CHORDC1: variants seen among roughly 807,000 people sequenced by gnomAD.
The protein encoded by CHORDC1 is cysteine and histidine rich domain containing 1.
Under a neutral mutation model 48.3 loss-of-function variants are expected in CHORDC1, and 25 were observed. The observed-to-expected ratio is 0.52, with a 90% CI of 0.38 to 0.72. The LOEUF is 0.72. Ranked by LOEUF, CHORDC1 falls within the 30% of genes least tolerant of loss-of-function variation. The probability of loss-of-function intolerance (pLI) is 0.00; values close to 1 mark genes in which losing one functional copy is unlikely to be tolerated. For missense variants in CHORDC1, 317 were observed against 388.7 expected (o/e 0.82, Z 1.55); for synonymous variants, 128 against 126.4 (o/e 1.01, Z -0.09).
At chr11:90,210,968 AAAT>A (rs1181454912) in intron 5 of CHORDC1, 2 of 309,258 alleles carry the variant, frequency 6.5e-6, no homozygotes, top group Admixed American at 4.8e-5. Flanking sequence ...ATTCTTAAAA[AAAT>A]AATGAACCAT....
chr11:90,207,519 A>G (rs1857728706), intron 6 of CHORDC1: 1 of 152,152 alleles, frequency 6.6e-6, no homozygotes, highest in Admixed American at 6.6e-5. Flanking sequence ...TAAAAAGTTT[A>G]TCAAAGTCGT....
At chr11:90,204,226 A>G (rs1804609303) in intron 8 of CHORDC1, among the ~76,000 whole-genome samples, 1 of 152,160 alleles carries the variant, frequency 6.6e-6, no homozygotes, top group Non-Finnish European at 1.5e-5. Context: ...AAACAAGAGA[A>G]ATTACATCAT....
At chr11:90,220,165 A>C (rs2135058647) in intron 1 of CHORDC1, among the ~76,000 whole-genome samples, 1 of 152,316 alleles carries the variant, frequency 6.6e-6, no homozygotes, top group Non-Finnish European at 1.5e-5. Flanking sequence ...AGGGAAGCCA[A>C]AAGATTGAAC....
intron 1 of CHORDC1, among the ~76,000 whole-genome samples, chr11:90,221,472 C>T (rs1591063530): frequency 2.0e-5 from 3 of 152,294 alleles, no homozygotes; most frequent in African/African-American, 4.8e-5. Context: ...GGCACTGCAC[C>T]AATTCACACA....
In CHORDC1 at chr11:90,203,325, C is replaced by G. The variant is rs1284799448; in HGVS notation, c.772G>C (p.Glu258Gln). 2 of 1,594,774 alleles carry G rather than the reference C, an allele frequency of 1.3e-6. No individual in the cohort carries two copies. Among genetic ancestry groups the G allele is most frequent in the Non-Finnish European group, 1.7e-6 (2 of 1,167,092 alleles). The change falls in exon 9 of 11, where the codon GAA becomes CAA. Residue 258 changes from glutamate to glutamine, a missense_variant. Glu to Gln is a conservative substitution (Grantham distance 29). Transcript: ENST00000320585. ...GTACTTACCAATGTGCTATTTGCTT[C>G]TACTCGGCTAAGTTCTGGAAGTGAG... is the stretch of plus-strand genomic sequence containing the variant. ...KNSLPELSRVEANSTLLNVHI... is the reference protein window; with the variant it reads ...KNSLPELSRVQANSTLLNVHI...
intron 6 of CHORDC1, chr11:90,207,012 C>G (rs1857715333): frequency 3.0e-6 from 1 of 328,502 alleles, no homozygotes; most frequent in Non-Finnish European, 5.9e-6. Flanking sequence ...ATGTTAGCAT[C>G]TACTAAACTT....
intron 10 of CHORDC1, 47 bp downstream of exon 10, chr11:90,202,766 G>C (rs1857574332): frequency 6.5e-7 from 1 of 1,532,746 alleles, no homozygotes; most frequent in Non-Finnish European, 8.9e-7. Flanking sequence ...TTCTACAAAT[G>C]ATCTAAGTTA....
chr11:90,218,784 G>A (rs1027792290), intron 1 of CHORDC1, among the ~76,000 whole-genome samples: 1 of 151,796 alleles, frequency 6.6e-6, no homozygotes, highest in African/African-American at 2.4e-5. Context: ...CCCTGCCCCC[G>A]CCCAGTCTGG....
At chr11:90,222,471 C>G (rs1370759566) in intron 1 of CHORDC1, 3 of 370,040 alleles carry the variant, frequency 8.1e-6, no homozygotes, top group African/African-American at 2.2e-5. Context: ...CTCTCCCTCT[C>G]GCGCAGGCAA....
intron 7 of CHORDC1, chr11:90,205,939 TCA>T (rs2135030425): frequency 2.1e-6 from 1 of 483,704 alleles, no homozygotes; most frequent in African/African-American, 2.0e-5. Context: ...CCAAATAGCA[TCA>T]CTTTTAAATA....
chr11:90,211,779 A>G (rs985169910), intron 4 of CHORDC1: 1 of 154,722 alleles, frequency 6.5e-6, no homozygotes, highest in South Asian at 2.0e-4. Flanking sequence ...TGGCATATGG[A>G]TCTGTAAATT....
chr11:90,206,050 C>A (rs1486996773), intron 7 of CHORDC1, 152 bp downstream of exon 7: 4 of 649,900 alleles, frequency 6.2e-6, no homozygotes, highest in Non-Finnish European at 5.6e-6. Flanking sequence ...AACATACAAA[C>A]CCCTGTGTTT....
chr11:90,222,845 C>A (rs1858215313), intron 1 of CHORDC1, 46 bp downstream of exon 1: 1 of 1,566,846 alleles, frequency 6.4e-7, no homozygotes, highest in Non-Finnish European at 8.8e-7. Flanking sequence ...GCCTCCCCTG[C>A]TGATGAGGTG....
At chr11:90,212,749 C>T (rs962559408) in intron 4 of CHORDC1, 4 of 152,038 alleles carry the variant, frequency 2.6e-5, no homozygotes, top group African/African-American at 9.7e-5. Context: ...ATCCTCCTGC[C>T]TCAGCCTGAG....
rs1466248701 is a variant in CHORDC1, at chr11:90,210,590, T to G, written c.438A>C (p.Glu146Asp). 5 of 1,577,034 alleles carry G rather than the reference T, an allele frequency of 3.2e-6. No homozygotes were observed. The highest frequency in any genetic ancestry group is 1.7e-5 in the Admixed American group (1 of 59,150). The change falls in exon 6 of 11, where the codon GAA (glutamate) becomes GAC (aspartate). Residue 146 changes from glutamate to aspartate, a missense_variant. By Grantham distance (45) the Glu-to-Asp change is conservative (BLOSUM62 2). Transcript: ENST00000320585. ...SSGNEENKKE[E>D]DNDEIKIGTS... Reference sequence around the variant, plus strand: ...TCCCAATCTTAATTTCATCATTGTCTTCTTCTGTAACAAAGAAAAAAAAAT... The same window carrying G: ...TCCCAATCTTAATTTCATCATTGTCGTCTTCTGTAACAAAGAAAAAAAAAT...
chr11:90,217,550 C>T (rs1269206205), intron 2 of CHORDC1, among the ~76,000 whole-genome samples: 1 of 152,130 alleles, frequency 6.6e-6, no homozygotes, highest in Non-Finnish European at 1.5e-5. Flanking sequence ...CCAGTAGTGA[C>T]AGACTGAGAT....
At chr11:90,210,951 T>C (rs1174507497) in intron 5 of CHORDC1, 1 of 306,464 alleles carries the variant, frequency 3.3e-6, no homozygotes, top group African/African-American at 2.2e-5. Flanking sequence ...TCAAAGAAAT[T>C]TAGCTGATTC....
chr11:90,210,077 T>C (rs12786532), intron 6 of CHORDC1, among the ~76,000 whole-genome samples: 19,184 of 152,226 alleles, frequency 0.13, 1,290 homozygotes, highest in South Asian at 0.18. Flanking sequence ...CAGGTTTACA[T>C]AATCCATCCA....
In CHORDC1 at chr11:90,222,977, C is replaced by T. The variant is rs111430006; in HGVS notation, c.-23G>A. On this transcript the variant is annotated 5_prime_UTR_variant, in exon 1 of 11. Coordinates refer to ENST00000320585, the MANE Select transcript of CHORDC1 (RefSeq NM_012124.3). ...CATTTTCTTTTCCCACCGTCACAGG[C>T]AAGGCCCAAACACCGGGAACGGCAA... 0.022 allele frequency: 34,611 copies of T among 1,607,296 alleles called. 511 individuals carry two copies. The highest frequency in any genetic ancestry group is 0.028 in the South Asian group (2,567 of 90,864).
Sources: gnomAD v4.1 joint callset for allele counts (sites outside exome capture counted in the v4.1 genomes callset) on GRCh38, gnomAD v4.1.1 for gene constraint, MANE v1.5 for transcripts, NCBI Gene and HGNC (gene_info 2026-07-23, HGNC 2026-07-21) for gene names.